The following HERC6 variants were observed in gnomAD, a reference collection of about 807,000 sequenced individuals.
HERC6 encodes HECT and RLD domain containing E3 ubiquitin protein ligase family member 6, also known as probable E3 ubiquitin-protein ligase HERC6.
A neutral mutation model predicts 114.5 loss-of-function variants in HERC6; 101 were observed. That is an observed-to-expected ratio of 0.88 (90% CI 0.75 to 1.04). The LOEUF is 1.04. HERC6 is among the 50% of genes least tolerant of loss of function. The pLI is 0.00. For missense variants in HERC6, 1,133 were observed against 1,230.9 expected (o/e 0.92, Z 1.19); for synonymous variants, 408 against 436.2 (o/e 0.94, Z 0.81).
At chr4:88,439,838 C>T (rs768586562) in intron 20 of HERC6, 36 bp from the exon 21 acceptor site, 145 of 1,284,514 alleles carry the variant, frequency 1.1e-4, no homozygotes, top group Middle Eastern at 2.2e-4. Context: ...CTTTTCCTTC[C>T]TTTCTTTTTT....
chr4:88,404,851 A>G (rs1182259177), intron 8 of HERC6, 25 bp from the exon 9 acceptor site: 3 of 1,611,060 alleles, frequency 1.9e-6, no homozygotes, highest in South Asian at 1.1e-5. Context: ...GTTCCTGATC[A>G]TTCTTGTTTC....
intron 14 of HERC6, 57 bp from the exon 15 acceptor site, chr4:88,424,538 T>C (rs1457958413): frequency 1.0e-5 from 13 of 1,294,262 alleles, no homozygotes; most frequent in African/African-American, 1.5e-5. Context: ...GTAAAGGAAG[T>C]AAGTTTTTTT....
In HERC6 at chr4:88,440,043, A is replaced by C. The variant is rs749765517; in HGVS notation, c.2725A>C (p.Lys909Gln). ...AIIGNTDYDW[K>Q]QFEQNSKYEQ... ...CATTGGAAATACTGATTATGACTGG[A>C]AACAGTTTGAACAGGTAGGTGATAC... is the stretch of plus-strand genomic sequence containing the variant. Residue 909 changes from lysine to glutamine, a missense_variant, in exon 21 of 23, where the codon AAA (lysine) becomes CAA (glutamine). Lys to Gln is a moderately conservative substitution (Grantham distance 53, BLOSUM62 1). Transcript: ENST00000264346. The C allele has an allele frequency of 3.1e-6, 5 of 1,610,608 alleles. No individual in the cohort carries two copies. Among genetic ancestry groups the C allele is most frequent in the Non-Finnish European group, 4.2e-6 (5 of 1,178,958 alleles).
At position 88,396,054 on chromosome 4, in the gene HERC6, C is replaced by G. The variant is rs779514322; in HGVS notation, c.799C>G (p.Gln267Glu). 1 of 1,607,910 alleles carries G rather than the reference C, an allele frequency of 6.2e-7. No individual in the cohort carries two copies. Among genetic ancestry groups the G allele is most frequent in the Admixed American group, 1.7e-5 (1 of 59,098 alleles). Residue 267 changes from glutamine to glutamate, a missense_variant, in exon 6 of 23, where the codon CAG becomes GAG. By Grantham distance (29) the Gln-to-Glu change is conservative (BLOSUM62 2). Coordinates refer to ENST00000264346, the MANE Select transcript of HERC6 (RefSeq NM_017912.4). ...CACATTTGGAGACAATCGCTCTGGACAGCTGGGATACAGCCCCACTCCTGA... is the reference window on the plus strand; with the variant it reads ...CACATTTGGAGACAATCGCTCTGGAGAGCTGGGATACAGCCCCACTCCTGA... ...VFTFGDNRSG[Q>E]LGYSPTPEKR...
chr4:88,379,066 G>A lies in HERC6; in HGVS notation c.145G>A (p.Asp49Asn), dbSNP rs758128069. Reference sequence around the variant, plus strand: ...CAACCACAGGGTCCTCTCGTGCGGAGACAACAGCAGGGGTCAGCTGGGCCG... The same window carrying A: ...CAACCACAGGGTCCTCTCGTGCGGAAACAACAGCAGGGGTCAGCTGGGCCG... ...LTNHRVLSCG[D>N]NSRGQLGRRG... Residue 49 changes from aspartate to asparagine, a missense_variant, in exon 1 of 23, where the codon GAC (aspartate) becomes AAC (asparagine). Around this residue, in one of 3 missense-constraint regions of HERC6, gnomAD observed 735 missense variants for 754.0 expected, o/e 0.97. Transcript: ENST00000264346. 31 of 1,553,532 alleles carry A rather than the reference G, an allele frequency of 2.0e-5. No individual in the cohort carries two copies. In the East Asian group the frequency reaches 2.4e-4, roughly 12 times the overall value.
intron 11 of HERC6, among the ~76,000 whole-genome samples, chr4:88,409,925 G>T (rs1029855681): frequency 6.6e-6 from 1 of 152,162 alleles, no homozygotes; most frequent in Non-Finnish European, 1.5e-5. Flanking sequence ...TTAAACAACA[G>T]ACATTTATTT....
chr4:88,422,525 T>C (rs539531068), intron 13 of HERC6, among the ~76,000 whole-genome samples: 30 of 152,354 alleles, frequency 2.0e-4, no homozygotes, highest in African/African-American at 6.2e-4. Flanking sequence ...AAATGCTTTT[T>C]CTGCATACGA....
At chr4:88,400,527 T>C (rs1046047885) in intron 8 of HERC6, among the ~76,000 whole-genome samples, 6 of 152,196 alleles carry the variant, frequency 3.9e-5, no homozygotes, top group Non-Finnish European at 7.3e-5. Flanking sequence ...ACAGTTTTGC[T>C]TTTCACAGTT....
chr4:88,435,566 T>C (rs568744715), intron 17 of HERC6, among the ~76,000 whole-genome samples, 159 bp from the exon 18 acceptor site: 50 of 152,342 alleles, frequency 3.3e-4, no homozygotes, highest in Admixed American at 1.6e-3. Context: ...TGTATTATAA[T>C]CTGTAGAAGA....
chr4:88,383,763 CAAAAAAAAAAA>C (rs753643806), intron 2 of HERC6, among the ~76,000 whole-genome samples: 4 of 28,750 alleles, frequency 1.4e-4, no homozygotes, highest in South Asian at 2.0e-3. Context: ...GACTCAGTCT[CAAAAAAAAAAA>C]AAAAAAAAAA....
intron 3 of HERC6, 54 bp downstream of exon 3, chr4:88,385,629 G>C (rs183435320): frequency 1.4e-5 from 12 of 870,252 alleles, no homozygotes; most frequent in Admixed American, 3.2e-5. Context: ...TTTTGAATAG[G>C]AATTATAGCT....
At chr4:88,379,695 A>T (rs28558536) in intron 1 of HERC6, among the ~76,000 whole-genome samples, 27 of 91,734 alleles carry the variant, frequency 2.9e-4, no homozygotes, top group Middle Eastern at 5.3e-3. Flanking sequence ...CAAATATATA[A>T]TATATAAATA....
At chr4:88,393,994 A>G (rs148808526) in intron 5 of HERC6, among the ~76,000 whole-genome samples, 38 of 152,330 alleles carry the variant, frequency 2.5e-4, no homozygotes, top group African/African-American at 8.7e-4. Flanking sequence ...GGACTTCAAC[A>G]TATGAATTCT....
intron 8 of HERC6, 127 bp from the exon 9 acceptor site, chr4:88,404,749 C>T (rs1252910981): frequency 7.3e-6 from 9 of 1,225,686 alleles, no homozygotes; most frequent in Admixed American, 2.9e-5. Flanking sequence ...GCCAAAGCTC[C>T]TCCCACCAAA....
intron 16 of HERC6, 53 bp from the exon 17 acceptor site, chr4:88,431,109 C>T (rs1275539300): frequency 6.6e-7 from 1 of 1,520,554 alleles, no homozygotes; most frequent in Non-Finnish European, 8.9e-7. Flanking sequence ...TTCCATAAAG[C>T]TCAAAACATT....
chr4:88,425,579 T>C (rs1737518499), intron 15 of HERC6, among the ~76,000 whole-genome samples: 2 of 152,252 alleles, frequency 1.3e-5, no homozygotes, highest in Admixed American at 6.5e-5. Flanking sequence ...AAGCTCCGAC[T>C]GATATTCTTT....
At chr4:88,390,426 G>A (rs1734845976) in intron 3 of HERC6, among the ~76,000 whole-genome samples, 1 of 152,064 alleles carries the variant, frequency 6.6e-6, no homozygotes, top group African/African-American at 2.4e-5. Flanking sequence ...CACACACAAA[G>A]GTAACTATGT....
chr4:88,385,694 A>G (rs765010978), intron 3 of HERC6, 119 bp downstream of exon 3: 10 of 597,064 alleles, frequency 1.7e-5, no homozygotes, highest in Non-Finnish European at 2.6e-5. Flanking sequence ...CCCAGGTTTC[A>G]TAAGATATAT....
At chr4:88,412,859 A>G (rs1208989124) in intron 11 of HERC6, among the ~76,000 whole-genome samples, 4 of 152,198 alleles carry the variant, frequency 2.6e-5, no homozygotes, top group African/African-American at 7.2e-5. Flanking sequence ...TCTTCAGGGA[A>G]CCTGATATAA....
Sources: gnomAD v4.1 joint callset for allele counts (sites outside exome capture counted in the v4.1 genomes callset) on GRCh38, gnomAD v4.1.1 for gene constraint, gnomAD v4.1.1 regional missense constraint, MANE v1.5 for transcripts, NCBI Gene and HGNC (gene_info 2026-07-23, HGNC 2026-07-21) for gene names.